HIVEP2: variants seen among roughly 807,000 people sequenced by gnomAD.
HIVEP2 encodes the protein HIVEP zinc finger 2.
A neutral mutation model predicts 180.7 loss-of-function variants in HIVEP2; 14 were observed. The ratio of observed to expected loss-of-function variants is 0.08; its 90% CI spans 0.05 to 0.12. HIVEP2 has a LOEUF of 0.12. HIVEP2 is among the 10% of genes least tolerant of loss of function. HIVEP2 has a pLI of 1.00. For synonymous variants in HIVEP2, 1,184 were observed against 1,136.4 expected (o/e 1.04, Z -0.84); for missense variants, 2,579 against 3,008.5 (o/e 0.86, Z 3.34).
At chr6:142,876,396 T>G (rs1244704229) in intron 1 of HIVEP2, among the ~76,000 whole-genome samples, 1 of 152,106 alleles carries the variant, frequency 6.6e-6, no homozygotes, top group African/African-American at 2.4e-5. Flanking sequence ...TCTGAAGAAC[T>G]TTGAGCAGGA....
At chr6:142,805,643 G>A (rs1217934121) in intron 2 of HIVEP2, among the ~76,000 whole-genome samples, 1 of 152,002 alleles carries the variant, frequency 6.6e-6, no homozygotes, top group Non-Finnish European at 1.5e-5. Context: ...CAGTTTCAGG[G>A]AAGGTCTGAG....
rs570854115 is a variant in HIVEP2 at position 142,860,293 on chromosome 6, TTTAAATAAATTA to T, written c.-640-23258_-640-23247del. The stretch of plus-strand genomic sequence containing the variant: ...TATATTTTATCATTTGTTTCAAGAA[TTTAAATAAATTA>T]TTAATATGTACATTCATACTATAAA... On this transcript the variant is annotated intron_variant, in intron 1 of 9. Transcript: ENST00000367603. Among the ~76,000 whole-genome samples the T allele has an allele frequency of 3.5e-4, 54 of 152,296 alleles. No homozygotes were observed. In the East Asian group the frequency reaches 9.8e-3, roughly 28 times the overall value.
chr6:142,900,491 G>A (rs1777108923), intron 1 of HIVEP2, among the ~76,000 whole-genome samples: 1 of 152,068 alleles, frequency 6.6e-6, no homozygotes, highest in East Asian at 1.9e-4. Context: ...AGCTGACTAC[G>A]GCTCTTGCCA....
intron 1 of HIVEP2, among the ~76,000 whole-genome samples, chr6:142,856,979 A>C (rs556365548): frequency 6.6e-6 from 1 of 152,308 alleles, no homozygotes. Flanking sequence ...ATTCAAAAGG[A>C]CAAAAATCTA....
chr6:142,761,737 TC>T (rs111655437), intron 7 of HIVEP2, among the ~76,000 whole-genome samples, 172 bp from the exon 8 acceptor site: 67 of 152,352 alleles, frequency 4.4e-4, no homozygotes, highest in African/African-American at 1.6e-3. Flanking sequence ...AATAATCTGG[TC>T]TTTGAAGATA....
rs546268780 is a variant in HIVEP2 at position 142,833,186 on chromosome 6, C to T, written c.-528+3749G>A. On this transcript the variant is annotated intron_variant, in intron 2 of 9. Coordinates refer to ENST00000367603, the MANE Select transcript of HIVEP2 (RefSeq NM_006734.4). ...AATTACTCAACTAAAACCAACCCCC[C>T]CACCATGAAGCCTCCGGTCCCTTAT... Among the ~76,000 whole-genome samples, 37 of 152,282 alleles carry T rather than the reference C, an allele frequency of 2.4e-4. 1 individual carries two copies. The South Asian group carries it at 3.1e-3, about 13-fold the overall frequency.
intron 1 of HIVEP2, among the ~76,000 whole-genome samples, chr6:142,850,813 G>A (rs1363224150): frequency 6.6e-6 from 1 of 152,194 alleles, no homozygotes; most frequent in Non-Finnish European, 1.5e-5. Context: ...AGCACATAAT[G>A]ACTAATTCAT....
intron 3 of HIVEP2, among the ~76,000 whole-genome samples, chr6:142,780,567 T>C (rs941648768): frequency 6.6e-6 from 1 of 152,216 alleles, no homozygotes; most frequent in Non-Finnish European, 1.5e-5. Flanking sequence ...TGGCTTCTTT[T>C]AGAATTTATT....
chr6:142,869,960 T>C (rs1776246642), intron 1 of HIVEP2, among the ~76,000 whole-genome samples: 1 of 152,118 alleles, frequency 6.6e-6, no homozygotes, highest in Non-Finnish European at 1.5e-5. Flanking sequence ...CACAGAACAC[T>C]GATCCAAAGT....
At chr6:142,804,756 G>A (rs1223718676) in intron 2 of HIVEP2, among the ~76,000 whole-genome samples, 2 of 152,076 alleles carry the variant, frequency 1.3e-5, no homozygotes, top group Non-Finnish European at 2.9e-5. Flanking sequence ...GATGGTCTGT[G>A]GGAGAAGGGC....
rs750320550 is a variant in HIVEP2 at position 142,771,937 on chromosome 6, C to T, written c.2802G>A (p.Lys934=). Residue 934 remains lysine (K), a synonymous_variant, in exon 5 of 10, where the codon AAG becomes AAA. Transcript: ENST00000367603. The surrounding 1 kb of genome is among the most constrained non-coding windows in gnomAD (Gnocchi z 5.4). ...SETLSQLPAE[K]LPPKKKRLRL... is the part of the protein sequence containing the mutation. Reference sequence around the variant, plus strand: ...GCAGACGCTTCTTTTTGGGTGGCAACTTCTCCGCGGGGAGCTGGGAAAGGG... The same window carrying T: ...GCAGACGCTTCTTTTTGGGTGGCAATTTCTCCGCGGGGAGCTGGGAAAGGG... The T allele has an allele frequency of 1.2e-5, 20 of 1,614,076 alleles. No homozygotes were observed. The highest frequency in any genetic ancestry group is 1.7e-5 in the Non-Finnish European group (20 of 1,180,056).
At chr6:142,797,410 G>A (rs1195020172) in intron 2 of HIVEP2, among the ~76,000 whole-genome samples, 1 of 152,084 alleles carries the variant, frequency 6.6e-6, no homozygotes, top group Non-Finnish European at 1.5e-5. Context: ...CTTTAGTCAG[G>A]GAGACAGTAA....
At chr6:142,785,097 G>T (rs1032084599) in intron 2 of HIVEP2, among the ~76,000 whole-genome samples, 1 of 151,652 alleles carries the variant, frequency 6.6e-6, no homozygotes, top group Non-Finnish European at 1.5e-5. Context: ...CACCATGTTA[G>T]CCAGGATGGT....
intron 1 of HIVEP2, among the ~76,000 whole-genome samples, chr6:142,873,976 G>T (rs950575403): frequency 6.6e-6 from 1 of 152,106 alleles, no homozygotes; most frequent in Non-Finnish European, 1.5e-5. Flanking sequence ...TCTGAAATGG[G>T]AGGACACACC....
Position 142,845,319 on chromosome 6 carries a change from C to T in HIVEP2, c.-640-8272G>A, listed in dbSNP as rs547376762. Among the ~76,000 whole-genome samples the T allele has an allele frequency of 1.7e-4, 26 of 152,254 alleles. No homozygotes were observed. In the East Asian group the frequency reaches 4.6e-3, roughly 27 times the overall value. On this transcript the variant is annotated intron_variant, in intron 1 of 9. Transcript: ENST00000367603. ...AGACACTAGAAGCAGATATGGTTTA[C>T]TTTCAGTTCTCTGAGGTGATTCTTA... is the stretch of plus-strand genomic sequence containing the variant.
chr6:142,767,231 C>T (rs1014278049), intron 6 of HIVEP2, among the ~76,000 whole-genome samples: 6 of 152,170 alleles, frequency 3.9e-5, no homozygotes, highest in African/African-American at 1.4e-4. Context: ...TCACAGGGAC[C>T]TCTCAGTCTC....
intron 1 of HIVEP2, among the ~76,000 whole-genome samples, chr6:142,893,911 G>A (rs1293857685): frequency 6.6e-6 from 1 of 152,004 alleles, no homozygotes; most frequent in African/African-American, 2.4e-5. Context: ...CTGAGCCATG[G>A]CTCTTCAGAA....
chr6:142,917,379 G>A (rs1237244035), intron 1 of HIVEP2, among the ~76,000 whole-genome samples: 1 of 151,948 alleles, frequency 6.6e-6, no homozygotes, highest in Admixed American at 6.6e-5. Flanking sequence ...TCTGCATAGG[G>A]ACAGTGACAG....
In HIVEP2 at chr6:142,773,188, T is replaced by A; in HGVS notation, c.1551A>T (p.Lys517Asn). ...TGCCTTGGAAGTTTGCTGGATAAAG[T>A]TTTCCTTCGTTCCTGATAGATGATG... ...IIPSSIRNEG[K>N]LYPANFQGSN... The change falls in exon 5 of 10, where the codon AAA (lysine) becomes AAT (asparagine). Residue 517 changes from lysine (K) to asparagine (N), a missense_variant. Coordinates refer to ENST00000367603, the MANE Select transcript of HIVEP2 (RefSeq NM_006734.4). 1.2e-6 allele frequency: 2 copies of A among 1,614,190 alleles called. No individual in the cohort carries two copies. The highest frequency in any genetic ancestry group is 1.7e-6 in the Non-Finnish European group (2 of 1,180,018).
Sources: gnomAD v4.1 joint callset for allele counts (sites outside exome capture counted in the v4.1 genomes callset) on GRCh38, gnomAD v4.1.1 for gene constraint, Gnocchi (gnomAD v3.1) non-coding constraint, MANE v1.5 for transcripts, NCBI Gene and HGNC (gene_info 2026-07-23, HGNC 2026-07-21) for gene names.